The following XG variants were observed in gnomAD, a reference collection of about 807,000 sequenced individuals.
XG encodes the protein Xg glycoprotein (Xg blood group).
A neutral mutation model predicts 25.7 loss-of-function variants in XG; 24 were observed. The ratio of observed to expected loss-of-function variants is 0.93; its 90% CI spans 0.68 to 1.31. The LOEUF (loss-of-function observed/expected upper bound fraction) is 1.31. Among genes scored for constraint, XG ranks in the 40% most tolerant of loss-of-function variants. The probability of loss-of-function intolerance (pLI) is 0.00; values close to 1 mark genes in which losing one functional copy is unlikely to be tolerated. For missense variants in XG, 181 were observed against 187.6 expected, an observed-to-expected ratio of 0.96 and a Z score of 0.21; for synonymous variants, 77 against 69.2, an observed-to-expected ratio of 1.11 and a Z score of -0.56.
At chrX:2,757,373 A>G (rs745514919) in intron 1 of XG, among the ~76,000 whole-genome samples, 1 of 151,406 alleles carries the variant, frequency 6.6e-6, no homozygotes, top group South Asian at 2.1e-4. Flanking sequence ...TTAGGACTAC[A>G]GGTTTCCAGG....
chrX:2,757,116 C>T (rs890476508), intron 1 of XG, among the ~76,000 whole-genome samples: 6 of 152,132 alleles, frequency 3.9e-5, no homozygotes, highest in Non-Finnish European at 8.8e-5. Context: ...TGATCTTCCC[C>T]TGGAGTTTGG....
chrX:2,781,037 G>A (rs753138887), intron 3 of XG, among the ~76,000 whole-genome samples: 1 of 152,046 alleles, frequency 6.6e-6, no homozygotes, highest in Admixed American at 6.6e-5. Context: ...ATGAGTGAGA[G>A]CACTTGGAAA....
chrX:2,776,796 C>T (rs28416331), intron 3 of XG, among the ~76,000 whole-genome samples: 1 of 152,020 alleles, frequency 6.6e-6, no homozygotes, highest in Non-Finnish European at 1.5e-5. Context: ...TGCAGTGAGC[C>T]GAGATCTCCC....
intron 7 of XG, among the ~76,000 whole-genome samples, chrX:2,805,928 G>C (rs1333182158): frequency 8.9e-6 from 1 of 112,246 alleles, no homozygotes; most frequent in Non-Finnish European, 1.9e-5. Context: ...ATCCACATAA[G>C]TCATTCCACT....
rs780677380 is a variant in XG at position 2,766,722 on chromosome X, A to C, written c.62-3828A>C. 2.0e-5 allele frequency among the ~76,000 whole-genome samples: 3 copies of C among 149,032 alleles called. No homozygotes were observed. The East Asian group carries it at 6.0e-4, about 30-fold the overall frequency. On this transcript the variant is annotated intron_variant, in intron 1 of 10. Coordinates refer to ENST00000644266, the MANE Select transcript of XG (RefSeq NM_001141919.2). ...TGGGACTACAGGCGCCCGCCACCAC[A>C]CCCGGCTAATTTTTTTGTATTTTTA... is the stretch of plus-strand genomic sequence containing the variant.
rs148132561 is a variant in XG, at chrX:2,774,748, C to A, written c.127+9C>A. 93 of 1,613,800 alleles carry A rather than the reference C, an allele frequency of 5.8e-5. 1 individual carries two copies. In the East Asian group the frequency reaches 2.0e-3, roughly 35 times the overall value. The stretch of plus-strand genomic sequence containing the variant: ...CAAGAAGCCAAACTCAGGTGAGTGT[C>A]TCTTCAGCTGGGAAAAACTGAGGCA... On this transcript the variant is annotated intron_variant, in intron 3 of 10. Coordinates refer to ENST00000644266, the MANE Select transcript of XG (RefSeq NM_001141919.2).
chrX:2,764,915 C>T (rs1157909080), intron 1 of XG, among the ~76,000 whole-genome samples: 1 of 150,654 alleles, frequency 6.6e-6, no homozygotes, highest in Non-Finnish European at 1.5e-5. Context: ...GTGGCATGCA[C>T]CTGTAGTCCC....
intron 7 of XG, among the ~76,000 whole-genome samples, chrX:2,802,432 C>T (rs1407436630): frequency 8.9e-6 from 1 of 111,751 alleles, no homozygotes; most frequent in Non-Finnish European, 1.9e-5. Context: ...GCTGGGATTA[C>T]GGGCATGAGC....
At chrX:2,777,865 C>T (rs903319171) in intron 3 of XG, among the ~76,000 whole-genome samples, 85 of 151,596 alleles carry the variant, frequency 5.6e-4, no homozygotes, top group Non-Finnish European at 9.3e-4. Flanking sequence ...TCGAGACCAT[C>T]CTGGCTAACA....
chrX:2,777,516 C>T (rs1569463218), intron 3 of XG, among the ~76,000 whole-genome samples: 1 of 152,034 alleles, frequency 6.6e-6, no homozygotes, highest in Non-Finnish European at 1.5e-5. Flanking sequence ...TCACTTGAGC[C>T]CCAGAGGTGG....
At position 2,768,197 on chromosome X, in the gene XG, T is replaced by C. The variant is rs761709464; in HGVS notation, c.62-2353T>C. On this transcript the variant is annotated intron_variant, in intron 1 of 10. Coordinates refer to ENST00000644266, the MANE Select transcript of XG (RefSeq NM_001141919.2). ...AGCAGGGAGTGGCCGGGTGCACAGA[T>C]TGGAGGAGATTAAGTGGTTGCTGAG... is the stretch of plus-strand genomic sequence containing the variant. Among the ~76,000 whole-genome samples, 26 of 152,004 alleles carry C rather than the reference T, an allele frequency of 1.7e-4. No homozygotes were observed. In the East Asian group the frequency reaches 4.3e-3, roughly 25 times the overall value.
chrX:2,784,813 T>C (rs1264425444), intron 4 of XG, among the ~76,000 whole-genome samples: 1 of 112,212 alleles, frequency 8.9e-6, no homozygotes, highest in Admixed American at 9.5e-5. Flanking sequence ...TGGTTTTTCA[T>C]GTTGTGCTTA....
intron 5 of XG, among the ~76,000 whole-genome samples, chrX:2,793,121 C>T (rs1318970043): frequency 9.1e-6 from 1 of 110,441 alleles, no homozygotes; most frequent in Non-Finnish European, 1.9e-5. Flanking sequence ...CCAGACTGGT[C>T]TCCAACTCCT....
intron 1 of XG, among the ~76,000 whole-genome samples, chrX:2,757,045 C>T (rs1374325509): frequency 6.6e-6 from 1 of 152,072 alleles, no homozygotes; most frequent in Non-Finnish European, 1.5e-5. Context: ...AGTTTGTTGC[C>T]AGATGGAGAT....
intron 10 of XG, 126 bp from the exon 11 acceptor site, chrX:2,814,238 C>T: frequency 1.2e-6 from 1 of 830,983 alleles, no homozygotes; most frequent in Non-Finnish European, 1.7e-6. Context: ...AATCTTCCTT[C>T]TCCTAAATCT....
chrX:2,761,175 GA>G (rs2050557751), intron 1 of XG, among the ~76,000 whole-genome samples: 2 of 152,232 alleles, frequency 1.3e-5, no homozygotes, highest in Non-Finnish European at 2.9e-5. Flanking sequence ...GGTCTTTAAA[GA>G]GGTGAGAAGG....
At position 2,794,519 on chromosome X, in the gene XG, G is replaced by C. The variant is rs1176762307; in HGVS notation, c.254-16G>C. 6.6e-6 allele frequency: 8 copies of C among 1,208,464 alleles called. No individual in the cohort carries two copies. The African/African-American group carries it at 1.4e-4, about 21-fold the overall frequency. On this transcript the variant is annotated splice_polypyrimidine_tract_variant and intron_variant, in intron 5 of 10. Coordinates refer to ENST00000644266, the MANE Select transcript of XG (RefSeq NM_001141919.2). ...GGAGAGGTCTCATGAGCAATGCCGC[G>C]TGCTCTGCCCCACAGGTTACTTCAA...
At chrX:2,771,528 T>C (rs1232580606) in intron 2 of XG, among the ~76,000 whole-genome samples, 3 of 152,200 alleles carry the variant, frequency 2.0e-5, no homozygotes, top group Non-Finnish European at 4.4e-5. Flanking sequence ...TTGAGGCAGA[T>C]AGTCTGATTG....
Position 2,760,241 on chromosome X carries a change from A to G in XG, c.61+7906A>G. Among the ~76,000 whole-genome samples the G allele has an allele frequency of 2.0e-5, 3 of 152,120 alleles. No homozygotes were observed. In the Middle Eastern group the frequency reaches 0.01, roughly 517 times the overall value. The stretch of plus-strand genomic sequence containing the variant: ...GTAGGCCAGGCGCGTGATGTTGCTG[A>G]GATGAAACTGTCTCTCTAGATTCCC... On this transcript the variant is annotated intron_variant, in intron 1 of 10. Transcript: ENST00000644266.
Sources: allele counts gnomAD v4.1 joint callset (sites outside exome capture counted in the v4.1 genomes callset), GRCh38; gene constraint gnomAD v4.1.1; transcripts MANE v1.5; gene names NCBI Gene and HGNC (gene_info 2026-07-23, HGNC 2026-07-21).